The following SLC25A25 variants were observed in gnomAD, a reference collection of about 807,000 sequenced individuals.
The protein encoded by SLC25A25 is solute carrier family 25 member 25.
A neutral mutation model predicts 57.7 loss-of-function variants in SLC25A25; 32 were observed. The observed-to-expected ratio is 0.55, with a 90% confidence interval of 0.42 to 0.74. The LOEUF (loss-of-function observed/expected upper bound fraction) is 0.74. Among genes scored for constraint, SLC25A25 ranks in the 30% least tolerant of loss-of-function variants. The pLI is 0.00. For synonymous variants in SLC25A25, 306 were observed against 291.2 expected (o/e 1.05, Z -0.52); for missense variants, 556 against 701.3 (o/e 0.79, Z 2.34).
At chr9:128,079,603 CAAAAA>C (rs531439672) in intron 1 of SLC25A25, among the ~76,000 whole-genome samples, 30 of 48,044 alleles carry the variant, frequency 6.2e-4, no homozygotes, top group African/African-American at 1.8e-3. Flanking sequence ...ACTAAAAATA[CAAAAA>C]AAAAAAAAAA....
chr9:128,092,668 C>G (rs1209144871), intron 1 of SLC25A25, among the ~76,000 whole-genome samples: 3 of 152,154 alleles, frequency 2.0e-5, no homozygotes, highest in African/African-American at 4.8e-5. Context: ...GCGGGTCTGC[C>G]AACTGTGGGG....
chr9:128,076,328 C>G (rs935501836), intron 1 of SLC25A25, among the ~76,000 whole-genome samples: 8 of 151,664 alleles, frequency 5.3e-5, no homozygotes, highest in African/African-American at 1.7e-4. Flanking sequence ...ACGGGGTTTT[C>G]CTATGTTGCT....
chr9:128,106,379 G>T lies in SLC25A25; in HGVS notation c.1071G>T (p.Arg357=). 1 of 1,613,796 alleles carries T rather than the reference G, an allele frequency of 6.2e-7. No homozygotes were observed. The highest frequency in any genetic ancestry group is 8.5e-7 in the Non-Finnish European group (1 of 1,179,902). The change falls in exon 9 of 11, where the codon CGG becomes CGT. Residue 357 remains arginine, a synonymous_variant. Transcript: ENST00000373069. The stretch of plus-strand genomic sequence containing the variant: ...TCCTGAAGACCCGGATGGCGCTGCG[G>T]AAGACAGGCCAGTACTCAGGAATGC... ...MEVLKTRMAL[R]KTGQYSGMLD...
intron 1 of SLC25A25, among the ~76,000 whole-genome samples, chr9:128,080,252 AAAAAAAAACCCAC>A (rs1450356268): frequency 1.6e-4 from 2 of 12,554 alleles, no homozygotes; most frequent in Non-Finnish European, 6.5e-4. Flanking sequence ...CAAAAAAACA[AAAAAAAAACCCAC>A]AAAAAACCCA....
intron 1 of SLC25A25, chr9:128,098,630 G>A: frequency 6.2e-7 from 1 of 1,614,114 alleles, no homozygotes. Flanking sequence ...CCAGTACTTT[G>A]AGTCGAAGGG....
In SLC25A25 at chr9:128,101,516, G is replaced by T; in HGVS notation, c.476+120G>T. ...AACTTGGCCTTCTCGTGGTTTGAAAGGATGAATAAGTAACCCCTGTGGGAG... is the reference window on the plus strand; with the variant it reads ...AACTTGGCCTTCTCGTGGTTTGAAATGATGAATAAGTAACCCCTGTGGGAG... On this transcript the variant is annotated intron_variant, in intron 3 of 10. Transcript: ENST00000373069. The surrounding 1 kb of genome is among the most constrained non-coding windows in gnomAD (Gnocchi z 4.9). 9.0e-7 allele frequency: 1 copy of T among 1,109,020 alleles called. No individual in the cohort carries two copies. The highest frequency in any genetic ancestry group is 1.3e-6 in the Non-Finnish European group (1 of 768,646). The allele number at this position is 1,109,020 out of a possible 1,614,324, so 68.7% of individuals were successfully genotyped here. A position where few individuals can be genotyped will look rare whatever the true frequency, so the allele number is the denominator to read the frequency against.
In SLC25A25 at chr9:128,101,005, G is replaced by A. The variant is rs1280592375; in HGVS notation, c.262-91G>A. The A allele has an allele frequency of 3.9e-6, 6 of 1,558,078 alleles. No homozygotes were observed. The highest frequency in any genetic ancestry group is 1.8e-5 in the Admixed American group (1 of 56,022). Reference sequence around the variant, plus strand: ...TTGGGGCCAGCTCTGCTCGCAATTAGTGAAGTCATTGCCTGGGGATGGGGC... The same window carrying A: ...TTGGGGCCAGCTCTGCTCGCAATTAATGAAGTCATTGCCTGGGGATGGGGC... On this transcript the variant is annotated intron_variant, in intron 1 of 10. Coordinates refer to ENST00000373069, the MANE Select transcript of SLC25A25 (RefSeq NM_001330988.2). The surrounding 1 kb of genome is among the most constrained non-coding windows in gnomAD (Gnocchi z 4.9).
At position 128,102,369 on chromosome 9, in the gene SLC25A25, G is replaced by A; in HGVS notation, c.513-1G>A. The A allele has an allele frequency of 1.2e-6, 2 of 1,613,430 alleles. No homozygotes were observed. Among genetic ancestry groups the A allele is most frequent in the Non-Finnish European group, 1.7e-6 (2 of 1,179,430 alleles). On this transcript the variant is annotated splice_acceptor_variant, in intron 4 of 10. Transcript: ENST00000373069. LOFTEE classifies it high-confidence loss of function. This position sits in a 1 kb window ranked among gnomAD's most constrained non-coding sequence, Gnocchi z 4.1. ...TGGGCAGCCTCGCCTCTGTCTTGCA[G>A]CATGGATAAAAACGGCACGATGACC...
At chr9:128,098,561 G>A (rs372587321) in intron 1 of SLC25A25, 29 of 1,608,562 alleles carry the variant, frequency 1.8e-5, no homozygotes, top group East Asian at 4.5e-5. Context: ...CCAGCAGGCC[G>A]CCAACATGCT....
intron 1 of SLC25A25, among the ~76,000 whole-genome samples, chr9:128,084,034 A>G (rs1833220673): frequency 1.3e-5 from 2 of 152,224 alleles, no homozygotes; most frequent in South Asian, 2.1e-4. Flanking sequence ...TCAAGTGCCC[A>G]TGATTCGACT....
intron 1 of SLC25A25, among the ~76,000 whole-genome samples, chr9:128,069,523 A>G (rs893946618): frequency 2.0e-5 from 3 of 152,086 alleles, no homozygotes; most frequent in Admixed American, 1.3e-4. Context: ...ATTTGTACAC[A>G]TGACAATTAG....
rs567869070 is a variant in SLC25A25 at position 128,077,516 on chromosome 9, T to TAAAAAAAA, written c.261+8942_261+8949dup. On this transcript the variant is annotated intron_variant, in intron 1 of 10. Coordinates refer to ENST00000373069, the MANE Select transcript of SLC25A25 (RefSeq NM_001330988.2). ...TGGGCGACAGAGCAAGACTCCGTCT[T>TAAAAAAAA]AAAAAAAAAAAAAGCCAGTCGCAAA... Among the ~76,000 whole-genome samples, 9 of 100,332 alleles carry TAAAAAAAA rather than the reference T, an allele frequency of 9.0e-5. 1 individual carries two copies. The highest frequency in any genetic ancestry group is 3.5e-4 in the South Asian group (1 of 2,884). 65.8% of individuals were successfully genotyped at this position (100,332 alleles called of 152,430 possible).
In SLC25A25 at chr9:128,068,301, A is replaced by C. The variant is rs1832824358; in HGVS notation, c.-19A>C. 3.0e-6 allele frequency: 4 copies of C among 1,312,386 alleles called. No individual in the cohort carries two copies. The highest frequency in any genetic ancestry group is 2.9e-6 in the Non-Finnish European group (3 of 1,026,276). The allele number at this position is 1,312,386 out of a possible 1,614,324, so 81.3% of individuals were successfully genotyped here. A position where few individuals can be genotyped will look rare whatever the true frequency, so the allele number is the denominator to read the frequency against. On this transcript the variant is annotated 5_prime_UTR_variant, in exon 1 of 11. Coordinates refer to ENST00000373069, the MANE Select transcript of SLC25A25 (RefSeq NM_001330988.2). ...CGCCCCCGCTCCCGCCCGCGCCCGG[A>C]GCCCCTGCCTCGCGCCCGATGGTGA...
At position 128,068,253 on chromosome 9, in the gene SLC25A25, C is replaced by T; in HGVS notation, c.-67C>T. 4.1e-6 allele frequency: 4 copies of T among 968,446 alleles called. No homozygotes were observed. The highest frequency in any genetic ancestry group is 4.0e-6 in the Non-Finnish European group (3 of 746,790). 60.0% of individuals were successfully genotyped at this position (968,446 alleles called of 1,614,324 possible). A position where few individuals can be genotyped will look rare whatever the true frequency, so the allele number is the denominator to read the frequency against. ...AGCTGCAGAGCGCCTGGCTTGCCTC[C>T]CGCGCGGTCACCGCCGGCCCGCCGC... On this transcript the variant is annotated 5_prime_UTR_variant, in exon 1 of 11. Coordinates refer to ENST00000373069, the MANE Select transcript of SLC25A25 (RefSeq NM_001330988.2).
intron 1 of SLC25A25, chr9:128,100,724 C>T (rs1034096275): frequency 1.3e-5 from 3 of 224,308 alleles, no homozygotes; most frequent in Non-Finnish European, 2.7e-5. Flanking sequence ...CCAGGGACGG[C>T]GCTGCAGCGA....
In SLC25A25 at chr9:128,102,735, G is replaced by C. The variant is rs1005722448; in HGVS notation, c.624+254G>C. ...CCAGGAACACCCTCCGTCCCCACAT[G>C]CTCCCTGCTCCCTGCTCCTCATGGG... is the stretch of plus-strand genomic sequence containing the variant. On this transcript the variant is annotated intron_variant, in intron 5 of 10. Transcript: ENST00000373069. The surrounding 1 kb of genome is among the most constrained non-coding windows in gnomAD (Gnocchi z 4.1). 3.9e-5 allele frequency among the ~76,000 whole-genome samples: 6 copies of C among 152,136 alleles called. No individual in the cohort carries two copies. Among genetic ancestry groups the C allele is most frequent in the Admixed American group, 1.3e-4 (2 of 15,270 alleles).
rs1371720834 is a variant in SLC25A25, at chr9:128,095,666, T to C, written c.262-5430T>C. Among the ~76,000 whole-genome samples the C allele has an allele frequency of 6.6e-6, 1 of 152,128 alleles. No individual in the cohort carries two copies. The highest frequency in any genetic ancestry group is 1.5e-5 in the Non-Finnish European group (1 of 68,034). Reference sequence around the variant, plus strand: ...AGTTAGAACCCTTTTAAAAATTAGCTGGGTGTGCTCGTGGGCACCTGTAGT... The same window carrying C: ...AGTTAGAACCCTTTTAAAAATTAGCCGGGTGTGCTCGTGGGCACCTGTAGT... On this transcript the variant is annotated intron_variant, in intron 1 of 10. Coordinates refer to ENST00000373069, the MANE Select transcript of SLC25A25 (RefSeq NM_001330988.2). The surrounding 1 kb of genome is among the most constrained non-coding windows in gnomAD (Gnocchi z 4.4).
At chr9:128,098,664 T>C (rs750737186) in intron 1 of SLC25A25, 6 of 1,614,088 alleles carry the variant, frequency 3.7e-6, no homozygotes, top group Non-Finnish European at 5.1e-6. Flanking sequence ...CTGAAGTCCA[T>C]TTTCAAGCTC....
In SLC25A25 at chr9:128,102,431, C is replaced by T. The variant is rs1833841063; in HGVS notation, c.574C>T (p.His192Tyr). The change falls in exon 5 of 11, where the codon CAC becomes TAC. Residue 192 changes from histidine to tyrosine, a missense_variant. Coordinates refer to ENST00000373069, the MANE Select transcript of SLC25A25 (RefSeq NM_001330988.2). This position sits in a 1 kb window ranked among gnomAD's most constrained non-coding sequence, Gnocchi z 4.1. ...WNEWRDYHLL[H>Y]PVENIPEIIL... ...CGAGTGGAGAGACTACCACCTCCTC[C>T]ACCCCGTGGAAAACATCCCCGAGAT... 6.2e-7 allele frequency: 1 copy of T among 1,613,898 alleles called. No individual in the cohort carries two copies. The highest frequency in any genetic ancestry group is 1.3e-5 in the African/African-American group (1 of 74,892).
Sources: gnomAD v4.1 joint callset for allele counts (sites outside exome capture counted in the v4.1 genomes callset) on GRCh38, gnomAD v4.1.1 for gene constraint, Gnocchi (gnomAD v3.1) non-coding constraint, MANE v1.5 for transcripts, NCBI Gene and HGNC (gene_info 2026-07-23, HGNC 2026-07-21) for gene names.